The following COG6 variants were observed in gnomAD, a reference collection of about 807,000 sequenced individuals.
COG6 encodes the protein conserved oligomeric Golgi complex subunit 6.
COG6 carries 74 observed loss-of-function variants against 88.8 expected under a neutral mutation model. The observed-to-expected ratio is 0.83, with a 90% CI of 0.69 to 1.01. The LOEUF is 1.01. Ranked by LOEUF, COG6 falls within the 50% of genes least tolerant of loss-of-function variation. The pLI is 0.00. For synonymous variants in COG6, 286 were observed against 278.7 expected (o/e 1.03, Z -0.26); for missense variants, 800 against 797.9 (o/e 1.00, Z -0.03).
intron 18 of COG6, among the ~76,000 whole-genome samples, chr13:39,776,337 A>G (rs140583043): frequency 2.2e-4 from 34 of 152,332 alleles, no homozygotes; most frequent in African/African-American, 7.0e-4. Context: ...TTATCCAAAG[A>G]ATAAATCAAC....
intron 13 of COG6, among the ~76,000 whole-genome samples, chr13:39,702,324 G>A (rs191255273): frequency 6.6e-6 from 1 of 151,924 alleles, no homozygotes; most frequent in Admixed American, 6.6e-5. Context: ...GTATAACACC[G>A]ACATAAAACC....
chr13:39,698,186 A>C (rs933373576), intron 12 of COG6, among the ~76,000 whole-genome samples: 3 of 151,950 alleles, frequency 2.0e-5, no homozygotes, highest in African/African-American at 7.2e-5. Context: ...TATTAAAAAA[A>C]AAAATGAATG....
At chr13:39,770,225 G>A (rs556779886) in intron 18 of COG6, among the ~76,000 whole-genome samples, 1 of 152,260 alleles carries the variant, frequency 6.6e-6, no homozygotes, top group African/African-American at 2.4e-5. Flanking sequence ...TTTTTGGGCT[G>A]CAGTGGAATG....
intron 18 of COG6, among the ~76,000 whole-genome samples, chr13:39,776,649 GAAA>G (rs1174117737): frequency 6.6e-6 from 1 of 152,162 alleles, no homozygotes; most frequent in Admixed American, 6.5e-5. Context: ...AATTGAAGAT[GAAA>G]AAAGCCCACT....
At chr13:39,784,259 C>T (rs1881710771) in intron 18 of COG6, among the ~76,000 whole-genome samples, 1 of 152,166 alleles carries the variant, frequency 6.6e-6, no homozygotes, top group African/African-American at 2.4e-5. Flanking sequence ...AGCTCAGGTG[C>T]AGAACCCGTC....
chr13:39,748,615 C>T (rs1436307839), intron 18 of COG6, among the ~76,000 whole-genome samples: 3 of 150,110 alleles, frequency 2.0e-5, no homozygotes, highest in Non-Finnish European at 4.4e-5. Flanking sequence ...GAGACTGTCT[C>T]GAAAAAGAAA....
chr13:39,678,876 A>G (rs1876132750), intron 5 of COG6, among the ~76,000 whole-genome samples: 1 of 152,054 alleles, frequency 6.6e-6, no homozygotes, highest in African/African-American at 2.4e-5. Context: ...GAAATATTTG[A>G]CATATCATTT....
chr13:39,712,269 C>T (rs574487868), intron 13 of COG6, among the ~76,000 whole-genome samples: 11 of 152,208 alleles, frequency 7.2e-5, no homozygotes, highest in African/African-American at 1.9e-4. Flanking sequence ...CATTCTTCCA[C>T]GTAGAAGCCA....
intron 18 of COG6, among the ~76,000 whole-genome samples, chr13:39,746,190 A>T (rs1450294658): frequency 6.6e-6 from 1 of 151,954 alleles, no homozygotes; most frequent in Non-Finnish European, 1.5e-5. Flanking sequence ...TATGTAACGA[A>T]CTGGCATGTT....
At chr13:39,710,952 A>G (rs940346076) in intron 13 of COG6, among the ~76,000 whole-genome samples, 5 of 151,970 alleles carry the variant, frequency 3.3e-5, no homozygotes, top group African/African-American at 1.2e-4. Context: ...AAAACAGCAT[A>G]TCTAATTTTA....
intron 18 of COG6, among the ~76,000 whole-genome samples, chr13:39,738,098 T>G (rs545887054): frequency 2.6e-5 from 4 of 152,308 alleles, no homozygotes; most frequent in Non-Finnish European, 5.9e-5. Context: ...CCTCTTTCCT[T>G]AATATGATGT....
At chr13:39,726,875 G>A (rs368653717) in intron 17 of COG6, among the ~76,000 whole-genome samples, 3 of 151,834 alleles carry the variant, frequency 2.0e-5, no homozygotes, top group South Asian at 2.1e-4. Context: ...TGCTTTTGCC[G>A]AATCCACAGA....
intron 7 of COG6, among the ~76,000 whole-genome samples, chr13:39,680,285 G>A (rs2137988828): frequency 6.6e-6 from 1 of 152,224 alleles, no homozygotes; most frequent in African/African-American, 2.4e-5. Context: ...TGTTTTTTGT[G>A]TTTGTATCAT....
intron 10 of COG6, 43 bp downstream of exon 10, chr13:39,687,842 TAACAC>T: frequency 7.6e-7 from 1 of 1,323,744 alleles, no homozygotes; most frequent in Non-Finnish European, 1.1e-6. Context: ...ATATAGAAAA[TAACAC>T]AAGCATCTCT....
chr13:39,682,074 G>T lies in COG6; in HGVS notation c.695-97G>T. 6 of 799,376 alleles carry T rather than the reference G, an allele frequency of 7.5e-6. 1 individual carries two copies. Among genetic ancestry groups the T allele is most frequent in the Admixed American group, 6.1e-5 (3 of 49,016 alleles). 49.5% of individuals were successfully genotyped at this position (799,376 alleles called of 1,614,324 possible). On this transcript the variant is annotated intron_variant, in intron 7 of 18. Coordinates refer to ENST00000455146, the MANE Select transcript of COG6 (RefSeq NM_020751.3). ...GTTTTTCTGAGGATTTTTTTTTATG[G>T]GGTGTTTGCCATAGAATTTAGACTC...
intron 8 of COG6, among the ~76,000 whole-genome samples, chr13:39,684,243 A>ATTGTTTTTTT: frequency 1.5e-5 from 1 of 67,382 alleles, no homozygotes. Flanking sequence ...AATTTGGAAG[A>ATTGTTTTTTT]TTTTTTTTTT....
chr13:39,726,147 G>T (rs1879124639), intron 17 of COG6, among the ~76,000 whole-genome samples: 1 of 151,816 alleles, frequency 6.6e-6, no homozygotes, highest in Admixed American at 6.6e-5. Context: ...TCTCCATTTA[G>T]GGGTTTCTAA....
chr13:39,655,886 G>C lies in COG6; in HGVS notation c.153+7G>C. On this transcript the variant is annotated splice_region_variant and intron_variant, in intron 1 of 18. Transcript: ENST00000455146. ...GCGGCTGGACAACGACAAGGTAACCGGGGCTGGCGGGGCCGGAGTCACAGG... is the reference window on the plus strand; with the variant it reads ...GCGGCTGGACAACGACAAGGTAACCCGGGCTGGCGGGGCCGGAGTCACAGG... The C allele has an allele frequency of 6.2e-7, 1 of 1,603,600 alleles. No individual in the cohort carries two copies. Among genetic ancestry groups the C allele is most frequent in the South Asian group, 1.1e-5 (1 of 89,846 alleles).
intron 4 of COG6, among the ~76,000 whole-genome samples, chr13:39,666,558 A>G (rs1183277769): frequency 6.6e-6 from 1 of 152,188 alleles, no homozygotes; most frequent in Non-Finnish European, 1.5e-5. Context: ...CATGACCCCC[A>G]ACTCCTTAGT....
Sources: gnomAD v4.1 joint callset for allele counts (sites outside exome capture counted in the v4.1 genomes callset) on GRCh38, gnomAD v4.1.1 for gene constraint, MANE v1.5 for transcripts, NCBI Gene and HGNC (gene_info 2026-07-23, HGNC 2026-07-21) for gene names.